The following NRG1 variants were observed in gnomAD, a reference collection of about 807,000 sequenced individuals.
NRG1 encodes neuregulin 1, also known as pro-neuregulin-1, membrane-bound isoform.
In NRG1, 18 loss-of-function variants were observed where a neutral mutation model predicts 63.8. The observed-to-expected ratio is 0.28, with a 90% confidence interval of 0.19 to 0.42. The LOEUF is 0.42. NRG1 is among the 10% of genes least tolerant of loss of function. NRG1 has a pLI of 1.00. For missense variants in NRG1, 762 were observed against 814.7 expected, an observed-to-expected ratio of 0.94 and a Z score of 0.79; for synonymous variants, 302 against 301.3, an observed-to-expected ratio of 1.00 and a Z score of -0.02.
chr8:31,954,082 AT>A (rs1340545711), intron 1 of NRG1, among the ~76,000 whole-genome samples: 4 of 152,080 alleles, frequency 2.6e-5, no homozygotes, highest in Non-Finnish European at 5.9e-5. Context: ...GGAAAAAAAA[AT>A]AACACAGCCA....
At chr8:32,569,427 T>C (rs906055254) in intron 1 of NRG1, among the ~76,000 whole-genome samples, 1 of 152,200 alleles carries the variant, frequency 6.6e-6, no homozygotes, top group Non-Finnish European at 1.5e-5. Flanking sequence ...TGGTTCACTT[T>C]AGTGATACTG....
intron 1 of NRG1, among the ~76,000 whole-genome samples, chr8:32,397,659 C>G (rs1563407928): frequency 6.6e-6 from 1 of 152,072 alleles, no homozygotes; most frequent in Non-Finnish European, 1.5e-5. Context: ...GTGACCATCA[C>G]TATATTCATT....
At chr8:32,318,270 T>C (rs1282001397) in intron 1 of NRG1, among the ~76,000 whole-genome samples, 1 of 152,174 alleles carries the variant, frequency 6.6e-6, no homozygotes, top group Non-Finnish European at 1.5e-5. Context: ...AAGTTATGAA[T>C]TCCTTGAATT....
At chr8:32,363,323 G>A (rs1372488527) in intron 1 of NRG1, among the ~76,000 whole-genome samples, 1 of 152,178 alleles carries the variant, frequency 6.6e-6, no homozygotes, top group Non-Finnish European at 1.5e-5. Flanking sequence ...ATCTGTTGAA[G>A]TAGTGGCTAT....
intron 1 of NRG1, among the ~76,000 whole-genome samples, chr8:31,654,455 T>C (rs1805220302): frequency 6.6e-6 from 1 of 152,224 alleles, no homozygotes; most frequent in Admixed American, 6.5e-5. Flanking sequence ...TACTTGTGAA[T>C]TATGTGTAAA....
chr8:31,642,971 A>T (rs1476546015), intron 1 of NRG1, among the ~76,000 whole-genome samples: 3 of 134,502 alleles, frequency 2.2e-5, no homozygotes, highest in Non-Finnish European at 4.7e-5. Flanking sequence ...TGGAATATTG[A>T]GTGTAAAAGT....
intron 1 of NRG1, among the ~76,000 whole-genome samples, chr8:31,871,853 C>T (rs1019792941): frequency 1.3e-5 from 2 of 152,118 alleles, no homozygotes; most frequent in Non-Finnish European, 2.9e-5. Flanking sequence ...AAATTGATTG[C>T]TTTTACTGTG....
chr8:32,610,650 A>G lies in NRG1; in HGVS notation c.401-3864A>G, dbSNP rs547439478. Among the ~76,000 whole-genome samples the G allele has an allele frequency of 5.1e-4, 78 of 152,260 alleles. 1 individual carries two copies. Among genetic ancestry groups the G allele is most frequent in the African/African-American group, 1.8e-3 (74 of 41,570 alleles). ...ATACAGTCAAGCATTTTGCCAACCT[A>G]CATTTTAGAAATGTAGGTGTTTTCT... is the stretch of plus-strand genomic sequence containing the variant. On this transcript the variant is annotated intron_variant, in intron 3 of 11. Transcript: ENST00000356819.
intron 1 of NRG1, among the ~76,000 whole-genome samples, chr8:32,105,114 A>G (rs1585322265): frequency 6.6e-6 from 1 of 152,182 alleles, no homozygotes; most frequent in Non-Finnish European, 1.5e-5. Context: ...ACACATGAGT[A>G]ATACTGTGAC....
intron 1 of NRG1, among the ~76,000 whole-genome samples, chr8:32,350,943 T>C (rs1805526207): frequency 6.6e-6 from 1 of 152,172 alleles, no homozygotes; most frequent in Non-Finnish European, 1.5e-5. Flanking sequence ...AGTCAATATT[T>C]ATCTAATCAG....
intron 1 of NRG1, among the ~76,000 whole-genome samples, chr8:32,439,256 C>T (rs1047094382): frequency 6.6e-6 from 1 of 152,128 alleles, no homozygotes; most frequent in African/African-American, 2.4e-5. Flanking sequence ...ACATTTACTT[C>T]AAATAAACAT....
chr8:32,046,289 T>C (rs1447688455), intron 1 of NRG1, among the ~76,000 whole-genome samples: 1 of 152,068 alleles, frequency 6.6e-6, no homozygotes, highest in Non-Finnish European at 1.5e-5. Context: ...CGAAAGACCC[T>C]TTCACTACCA....
intron 1 of NRG1, among the ~76,000 whole-genome samples, chr8:31,789,671 C>T (rs1820508235): frequency 1.3e-5 from 2 of 152,162 alleles, no homozygotes; most frequent in South Asian, 4.1e-4. Flanking sequence ...ATTAAAGTCT[C>T]CTGACTGCTT....
intron 3 of NRG1, among the ~76,000 whole-genome samples, chr8:32,611,643 T>A (rs749285406): frequency 6.6e-6 from 1 of 152,064 alleles, no homozygotes; most frequent in South Asian, 2.1e-4. Context: ...TTCAGGTACT[T>A]AAAGATGTTC....
chr8:32,281,768 C>T (rs369476102), intron 1 of NRG1, among the ~76,000 whole-genome samples: 1 of 151,888 alleles, frequency 6.6e-6, no homozygotes, highest in African/African-American at 2.4e-5. Context: ...ATCACTTGAG[C>T]CCAGGAGTTC....
At chr8:32,345,850 C>T (rs549781502) in intron 1 of NRG1, among the ~76,000 whole-genome samples, 1 of 151,624 alleles carries the variant, frequency 6.6e-6, no homozygotes, top group African/African-American at 2.4e-5. Context: ...TCTACTAAAA[C>T]TACAAAAATT....
At chr8:32,214,306 A>G (rs1007942272) in intron 1 of NRG1, among the ~76,000 whole-genome samples, 1 of 152,234 alleles carries the variant, frequency 6.6e-6, no homozygotes, top group Non-Finnish European at 1.5e-5. Flanking sequence ...ATGCAAAGAT[A>G]TATCTTTATA....
intron 1 of NRG1, among the ~76,000 whole-genome samples, chr8:32,336,933 T>A (rs780461706): frequency 6.6e-6 from 1 of 152,034 alleles, no homozygotes; most frequent in Non-Finnish European, 1.5e-5. Context: ...TTATTCTACA[T>A]ACAATGGGAA....
At chr8:32,360,114 A>G (rs1249309670) in intron 1 of NRG1, among the ~76,000 whole-genome samples, 1 of 152,206 alleles carries the variant, frequency 6.6e-6, no homozygotes, top group Non-Finnish European at 1.5e-5. Context: ...TTCTAAATTC[A>G]CCAAATTGTG....
Sources: allele counts gnomAD v4.1 joint callset (sites outside exome capture counted in the v4.1 genomes callset), GRCh38; gene constraint gnomAD v4.1.1; transcripts MANE v1.5; gene names NCBI Gene and HGNC (gene_info 2026-07-23, HGNC 2026-07-21).